The following LDB2 variants were observed in gnomAD, a reference collection of about 807,000 sequenced individuals.
The protein encoded by LDB2 is LIM domain binding 2.
LDB2 carries 12 observed loss-of-function variants against 44.3 expected under a neutral mutation model. The ratio of observed to expected loss-of-function variants is 0.27; its 90% confidence interval spans 0.17 to 0.44. The LOEUF is 0.44. LDB2 is among the 20% of genes least tolerant of loss of function. The probability of loss-of-function intolerance (pLI) is 1.00; values close to 1 mark genes in which losing one functional copy is unlikely to be tolerated. For missense variants in LDB2, 344 were observed against 473.5 expected, an observed-to-expected ratio of 0.73 and a Z score of 2.54; for synonymous variants, 164 against 174.8, an observed-to-expected ratio of 0.94 and a Z score of 0.49.
In LDB2 at chr4:16,830,528, G is replaced by C. The variant is rs982382031; in HGVS notation, c.132+67826C>G. Among the ~76,000 whole-genome samples, 3 of 152,204 alleles carry C rather than the reference G, an allele frequency of 2.0e-5. No individual in the cohort carries two copies. The South Asian group carries it at 6.2e-4, about 32-fold the overall frequency. Reference sequence around the variant, plus strand: ...TGTAAGAACAGACTAATCCACATATGTGTGGAGGAGAGATCTCACATAATT... The same window carrying C: ...TGTAAGAACAGACTAATCCACATATCTGTGGAGGAGAGATCTCACATAATT... On this transcript the variant is annotated intron_variant, in intron 1 of 7. Coordinates refer to ENST00000304523, the MANE Select transcript of LDB2 (RefSeq NM_001290.5).
intron 2 of LDB2, among the ~76,000 whole-genome samples, chr4:16,701,082 A>G (rs1239040580): frequency 6.6e-6 from 1 of 152,212 alleles, no homozygotes; most frequent in Non-Finnish European, 1.5e-5. Context: ...CCAAGGCTAC[A>G]CTGCAAGGAA....
chr4:16,554,010 C>G (rs73128944), intron 5 of LDB2, among the ~76,000 whole-genome samples: 109 of 152,170 alleles, frequency 7.2e-4, no homozygotes, highest in African/African-American at 2.5e-3. Flanking sequence ...CTCTCTCTTC[C>G]CCCTGACATC....
At chr4:16,823,058 C>T (rs145542264) in intron 1 of LDB2, among the ~76,000 whole-genome samples, 1 of 152,316 alleles carries the variant, frequency 6.6e-6, no homozygotes, top group East Asian at 1.9e-4. Flanking sequence ...ATGTCCGGCA[C>T]TCCTCCTGCC....
intron 2 of LDB2, among the ~76,000 whole-genome samples, chr4:16,646,638 G>C (rs113053444): frequency 7.2e-5 from 11 of 152,132 alleles, no homozygotes; most frequent in Non-Finnish European, 1.6e-4. Flanking sequence ...AGGGACCGGC[G>C]GAGTTACAGC....
intron 1 of LDB2, among the ~76,000 whole-genome samples, chr4:16,779,123 G>T (rs182034402): frequency 1.3e-5 from 2 of 152,154 alleles, no homozygotes; most frequent in African/African-American, 4.8e-5. Flanking sequence ...AAAGCTGTTG[G>T]GGGCACTGAG....
intron 1 of LDB2, among the ~76,000 whole-genome samples, chr4:16,814,032 T>C (rs998493550): frequency 3.5e-4 from 53 of 152,060 alleles, no homozygotes; most frequent in Middle Eastern, 6.9e-3. Context: ...CCACCACGCC[T>C]GGCTAATTTT....
At position 16,793,744 on chromosome 4, in the gene LDB2, C is replaced by T. The variant is rs144960702; in HGVS notation, c.133-34484G>A. Among the ~76,000 whole-genome samples the T allele has an allele frequency of 3.9e-3, 600 of 152,198 alleles. 5 individuals are homozygous for T. The highest frequency in any genetic ancestry group is 0.014 in the African/African-American group (576 of 41,512). On this transcript the variant is annotated intron_variant, in intron 1 of 7. Transcript: ENST00000304523. ...CCACTGGGGTAGGAAATATAAAACC[C>T]AAAATGTATTTGGAGCACAGCTGTA...
intron 2 of LDB2, among the ~76,000 whole-genome samples, chr4:16,722,057 T>C (rs192128605): frequency 6.6e-6 from 1 of 152,130 alleles, no homozygotes; most frequent in Non-Finnish European, 1.5e-5. Flanking sequence ...ACAATCTGGG[T>C]TCTAGATTCA....
At chr4:16,557,456 G>A (rs1740131371) in intron 5 of LDB2, among the ~76,000 whole-genome samples, 1 of 152,298 alleles carries the variant, frequency 6.6e-6, no homozygotes, top group East Asian at 1.9e-4. Flanking sequence ...CTCGCTGATT[G>A]CTAGCACAGC....
At chr4:16,593,340 C>T (rs938178287) in intron 3 of LDB2, among the ~76,000 whole-genome samples, 2 of 152,040 alleles carry the variant, frequency 1.3e-5, no homozygotes, top group African/African-American at 4.8e-5. Context: ...TCTGAAAGGT[C>T]ATTAGCCCAC....
intron 2 of LDB2, among the ~76,000 whole-genome samples, chr4:16,611,961 G>T (rs977356050): frequency 3.3e-5 from 5 of 152,038 alleles, no homozygotes; most frequent in African/African-American, 1.2e-4. Context: ...CACATAATTG[G>T]AAGTAAAACA....
intron 1 of LDB2, among the ~76,000 whole-genome samples, chr4:16,819,644 T>C (rs1045431154): frequency 6.6e-6 from 1 of 151,984 alleles, no homozygotes; most frequent in South Asian, 2.1e-4. Flanking sequence ...TATAATGATG[T>C]CTAGAAATTA....
intron 5 of LDB2, chr4:16,581,448 T>C: frequency 1.0e-6 from 1 of 985,256 alleles, no homozygotes; most frequent in Non-Finnish European, 1.2e-6. Context: ...TCTTTTGAAT[T>C]ATATCACTCA....
intron 5 of LDB2, among the ~76,000 whole-genome samples, chr4:16,583,403 G>T (rs187444137): frequency 6.6e-6 from 1 of 152,240 alleles, no homozygotes; most frequent in Admixed American, 6.5e-5. Flanking sequence ...TTCTGATACT[G>T]GGAGTGGCAT....
chr4:16,564,731 A>G (rs1237423569), intron 5 of LDB2, among the ~76,000 whole-genome samples: 3 of 152,266 alleles, frequency 2.0e-5, no homozygotes, highest in Non-Finnish European at 4.4e-5. Context: ...AAAAATTACC[A>G]GAAAGAAACT....
intron 2 of LDB2, among the ~76,000 whole-genome samples, chr4:16,664,606 G>A (rs1560803969): frequency 6.6e-6 from 1 of 152,134 alleles, no homozygotes; most frequent in Non-Finnish European, 1.5e-5. Context: ...AATCAAAAAA[G>A]ACCGTCCAAT....
chr4:16,554,545 G>T (rs1262715265), intron 5 of LDB2, among the ~76,000 whole-genome samples: 1 of 152,124 alleles, frequency 6.6e-6, no homozygotes, highest in Non-Finnish European at 1.5e-5. Flanking sequence ...CACCTGGGAA[G>T]CTTTAAAATG....
At chr4:16,876,963 A>C (rs1385314319) in intron 1 of LDB2, among the ~76,000 whole-genome samples, 1 of 150,710 alleles carries the variant, frequency 6.6e-6, no homozygotes, top group African/African-American at 2.4e-5. Context: ...ACTGGAGTGC[A>C]GTGGTGCCAT....
intron 5 of LDB2, among the ~76,000 whole-genome samples, chr4:16,557,287 C>A (rs1424961117): frequency 2.0e-5 from 3 of 152,218 alleles, no homozygotes; most frequent in African/African-American, 7.2e-5. Context: ...CGCAAGGGGT[C>A]AGGGAGTTCC....
Sources: allele counts gnomAD v4.1 joint callset (sites outside exome capture counted in the v4.1 genomes callset), GRCh38; gene constraint gnomAD v4.1.1; transcripts MANE v1.5; gene names NCBI Gene and HGNC (gene_info 2026-07-23, HGNC 2026-07-21).